The following BBS7 variants were observed in gnomAD, a reference collection of about 807,000 sequenced individuals.
The protein encoded by BBS7 is BBSome complex member BBS7.
A neutral mutation model predicts 90.3 loss-of-function variants in BBS7; 50 were observed. That is an observed-to-expected ratio of 0.55 (90% CI 0.44 to 0.70). The LOEUF (loss-of-function observed/expected upper bound fraction) is 0.70. Ranked by LOEUF, BBS7 falls within the 30% of genes least tolerant of loss-of-function variation. The probability of loss-of-function intolerance (pLI) is 0.00; values close to 1 mark genes in which losing one functional copy is unlikely to be tolerated. For missense variants in BBS7, 729 were observed against 838.9 expected, an observed-to-expected ratio of 0.87 and a Z score of 1.62; for synonymous variants, 235 against 287.4, an observed-to-expected ratio of 0.82 and a Z score of 1.85.
At chr4:121,858,875 T>C in intron 5 of BBS7, 117 bp downstream of exon 5, 1 of 940,092 alleles carries the variant, frequency 1.1e-6, no homozygotes, top group Non-Finnish European at 1.6e-6. Flanking sequence ...AAAAATTGTT[T>C]CCACATGTTT....
At chr4:121,865,713 T>C (rs1161949658) in intron 2 of BBS7, among the ~76,000 whole-genome samples, 1 of 152,236 alleles carries the variant, frequency 6.6e-6, no homozygotes, top group African/African-American at 2.4e-5. Flanking sequence ...TGATTTCCTT[T>C]CCTTTGGGTA....
At position 121,870,272 on chromosome 4, in the gene BBS7, G is replaced by T. The variant is rs1184722808; in HGVS notation, c.36+6C>A. On this transcript the variant is annotated splice_donor_region_variant and intron_variant, in intron 1 of 18. Transcript: ENST00000264499. ...GCGCGGCGCCCGCCCTATCCCTTGG[G>T]TTTACCTGCAGATAATCCATTCGGT... The T allele has an allele frequency of 1.9e-6, 3 of 1,614,156 alleles. No individual in the cohort carries two copies. The highest frequency in any genetic ancestry group is 2.5e-6 in the Non-Finnish European group (3 of 1,179,992).
Position 121,839,687 on chromosome 4 carries a change from T to C in BBS7, c.1315A>G (p.Asn439Asp). Residue 439 changes from asparagine to aspartate, a missense_variant, in exon 13 of 19, where the codon AAC becomes GAC. Coordinates refer to ENST00000264499, the MANE Select transcript of BBS7 (RefSeq NM_176824.3). ...FSSCDSESND[N>D]FLLATYRCQA... is the part of the protein sequence containing the mutation. The stretch of plus-strand genomic sequence containing the variant: ...CACCGATAAGTGGCAAGAAGGAAGT[T>C]GTCGTTTGACTGGGAAGAATACAAA... The C allele has an allele frequency of 6.2e-7, 1 of 1,613,762 alleles. No homozygotes were observed.
rs1194783660 is a variant in BBS7 at position 121,861,662 on chromosome 4, TAA to T, written c.181_182del (p.Leu61ThrfsTer28). The T allele has an allele frequency of 1.9e-6, 3 of 1,613,704 alleles. No homozygotes were observed. The highest frequency in any genetic ancestry group is 4.5e-5 in the East Asian group (2 of 44,850). On this transcript the variant is annotated frameshift_variant, in exon 4 of 19. Transcript: ENST00000264499. LOFTEE classifies it high-confidence loss of function. Reference sequence around the variant, plus strand: ...CCAGCCTTGCAATCTTCGGCCCGGGTAAAGTCTTGAACACTGCCTGAAAAAAA... The same window carrying T: ...CCAGCCTTGCAATCTTCGGCCCGGGTAGTCTTGAACACTGCCTGAAAAAAA... ...KGEAAAVFKT[L>X]PGPKIARLEL...
At position 121,828,724 on chromosome 4, in the gene BBS7, CT is replaced by C. The variant is rs1278224644; in HGVS notation, c.1680del (p.Gly561GlufsTer16). On this transcript the variant is annotated frameshift_variant, in exon 16 of 19. Transcript: ENST00000264499. LOFTEE classifies it high-confidence loss of function. The part of the protein sequence containing the change: ...LDTQLESTYR[K>X]GEGVFKSDNI... ...TTGTCAGATTTAAAAACTCCCTCTCCTTTTCTATAAAATTAATATATTTTTT... is the reference window on the plus strand; with the variant it reads ...TTGTCAGATTTAAAAACTCCCTCTCCTTTCTATAAAATTAATATATTTTTT... 1 of 1,540,052 alleles carries C rather than the reference CT, an allele frequency of 6.5e-7. No individual in the cohort carries two copies. Among genetic ancestry groups the C allele is most frequent in the Admixed American group, 1.7e-5 (1 of 58,620 alleles).
chr4:121,856,989 G>A (rs946469439), intron 5 of BBS7, among the ~76,000 whole-genome samples: 1 of 152,012 alleles, frequency 6.6e-6, no homozygotes, highest in Non-Finnish European at 1.5e-5. Flanking sequence ...GACTGGTCTT[G>A]AACTCCTGAC....
rs768345924 is a variant in BBS7 at position 121,845,515 on chromosome 4, C to T, written c.1219G>A (p.Val407Ile). 1 of 1,611,432 alleles carries T rather than the reference C, an allele frequency of 6.2e-7. No homozygotes were observed. The highest frequency in any genetic ancestry group is 1.3e-5 in the African/African-American group (1 of 74,976). ...GACATTTTGCTTACCTGTATTAAGA[C>T]ATTATCTATTGCAGTCTGTACCTCT... Reference protein sequence around the residue: ...ILEVQTAIDNVLIQSDVPIDL... With the variant: ...ILEVQTAIDNILIQSDVPIDL... The change falls in exon 11 of 19, where the codon GTC becomes ATC. Residue 407 changes from valine to isoleucine, a missense_variant. By Grantham distance (29) the Val-to-Ile change is conservative (BLOSUM62 3). Coordinates refer to ENST00000264499, the MANE Select transcript of BBS7 (RefSeq NM_176824.3).
intron 12 of BBS7, among the ~76,000 whole-genome samples, chr4:121,841,696 A>T (rs1025452708): frequency 2.2e-4 from 33 of 152,194 alleles, no homozygotes; most frequent in Admixed American, 4.6e-4. Flanking sequence ...TGTCCTAGAA[A>T]ATATATTTTA....
In BBS7 at chr4:121,859,197, T is replaced by A; in HGVS notation, c.342-19A>T. Reference sequence around the variant, plus strand: ...TATGTGCCTGAGAACATTAAAATAGTAATTTTTAAAAATAAGCACAGGTAC... The same window carrying A: ...TATGTGCCTGAGAACATTAAAATAGAAATTTTTAAAAATAAGCACAGGTAC... On this transcript the variant is annotated intron_variant, in intron 4 of 18. Coordinates refer to ENST00000264499, the MANE Select transcript of BBS7 (RefSeq NM_176824.3). 2 of 1,609,184 alleles carry A rather than the reference T, an allele frequency of 1.2e-6. No individual in the cohort carries two copies. The highest frequency in any genetic ancestry group is 2.7e-5 in the African/African-American group (2 of 74,934).
At chr4:121,865,736 T>G (rs570828463) in intron 2 of BBS7, among the ~76,000 whole-genome samples, 3 of 152,328 alleles carry the variant, frequency 2.0e-5, no homozygotes, top group African/African-American at 7.2e-5. Context: ...TTCCCAGCAG[T>G]GGGGTTGCTA....
chr4:121,841,662 C>T lies in BBS7; in HGVS notation c.1306-1966G>A, dbSNP rs181647125. Among the ~76,000 whole-genome samples the T allele has an allele frequency of 1.8e-4, 27 of 152,000 alleles. No individual in the cohort carries two copies. In the East Asian group the frequency reaches 5.2e-3, roughly 29 times the overall value. ...TTCTACTTTTGTGTATACTTGAAAC[C>T]TCCATACGTTTTTTTAAAGCCATTG... On this transcript the variant is annotated intron_variant, in intron 12 of 18. Transcript: ENST00000264499.
chr4:121,860,444 A>G (rs927203604), intron 4 of BBS7, among the ~76,000 whole-genome samples: 11 of 152,110 alleles, frequency 7.2e-5, no homozygotes, highest in Non-Finnish European at 1.3e-4. Context: ...TCAATTTTCA[A>G]AAATTGAGTA....
intron 15 of BBS7, among the ~76,000 whole-genome samples, chr4:121,830,083 G>A (rs1725106514): frequency 6.6e-6 from 1 of 152,182 alleles, no homozygotes; most frequent in South Asian, 2.1e-4. Context: ...CACAAATGAT[G>A]TATACCAACT....
chr4:121,845,813 TAATAA>T (rs776101692), intron 10 of BBS7, 117 bp from the exon 11 acceptor site: 8 of 968,818 alleles, frequency 8.3e-6, no homozygotes, highest in Non-Finnish European at 1.2e-5. Flanking sequence ...TTGGTTGAGT[TAATAA>T]AATAAAAACA....
intron 6 of BBS7, 127 bp from the exon 7 acceptor site, chr4:121,854,947 G>T: frequency 1.1e-6 from 1 of 888,954 alleles, no homozygotes; most frequent in Non-Finnish European, 1.7e-6. Context: ...CTTAATTGTT[G>T]AGAATGGTTA....
Position 121,832,009 on chromosome 4 carries a change from A to AACACACACACACACACACAC in BBS7, c.1676+1202_1676+1221dup, listed in dbSNP as rs375865529. On this transcript the variant is annotated intron_variant, in intron 15 of 18. Coordinates refer to ENST00000264499, the MANE Select transcript of BBS7 (RefSeq NM_176824.3). The stretch of plus-strand genomic sequence containing the variant: ...AATAACACAAAGCAAAAAAAACAAA[A>AACACACACACACACACACAC]ACACACACACACACACACACACACA... Among the ~76,000 whole-genome samples the AACACACACACACACACACAC allele has an allele frequency of 1.8e-3, 251 of 142,866 alleles. 1 individual carries two copies. The highest frequency in any genetic ancestry group is 5.8e-3 in the African/African-American group (218 of 37,380). 93.7% of individuals were successfully genotyped at this position (142,866 alleles called of 152,430 possible). A position where few individuals can be genotyped will look rare whatever the true frequency, so the allele number is the denominator to read the frequency against.
At chr4:121,854,605 T>G in intron 7 of BBS7, 99 bp downstream of exon 7, 2 of 1,171,858 alleles carry the variant, frequency 1.7e-6, no homozygotes, top group African/African-American at 1.6e-5. Flanking sequence ...TTGCTAAGTC[T>G]GCTATGTAGT....
chr4:121,870,091 C>T (rs952485638), intron 1 of BBS7, among the ~76,000 whole-genome samples, 187 bp downstream of exon 1: 7 of 152,182 alleles, frequency 4.6e-5, no homozygotes, highest in African/African-American at 1.7e-4. Flanking sequence ...TTTCCCCGGT[C>T]CCCTCGGACC....
Position 121,843,926 on chromosome 4 carries a change from C to T in BBS7, c.1305+1G>A. ...AAGAATTCTTTTATATTTTTACTCA[C>T]CTCAGAATCACAGCTGCTAAAGCTA... is the stretch of plus-strand genomic sequence containing the variant. On this transcript the variant is annotated splice_donor_variant, in intron 12 of 18. Transcript: ENST00000264499. LOFTEE classifies it high-confidence loss of function. 6 of 1,588,442 alleles carry T rather than the reference C, an allele frequency of 3.8e-6. No individual in the cohort carries two copies. The highest frequency in any genetic ancestry group is 5.2e-6 in the Non-Finnish European group (6 of 1,161,520).
Sources: gnomAD v4.1 joint callset for allele counts (sites outside exome capture counted in the v4.1 genomes callset) on GRCh38, gnomAD v4.1.1 for gene constraint, MANE v1.5 for transcripts, NCBI Gene and HGNC (gene_info 2026-07-23, HGNC 2026-07-21) for gene names.